Variants in TSPAN1 observed in about 807,000 individuals in gnomAD.
TSPAN1 encodes the protein tetraspanin-1.
A neutral mutation model predicts 26.9 loss-of-function variants in TSPAN1; 23 were observed. The observed-to-expected ratio is 0.85, with a 90% CI of 0.62 to 1.21. The LOEUF (loss-of-function observed/expected upper bound fraction) is 1.21, where lower values mean the gene tolerates loss of function less well. Among genes scored for constraint, TSPAN1 ranks in the 50% most tolerant of loss-of-function variants. The pLI is 0.00. For missense variants in TSPAN1, 283 were observed against 298.4 expected (o/e 0.95, Z 0.38); for synonymous variants, 115 against 114.8 (o/e 1.00, Z -0.01).
chr1:46,190,190 G>A (rs549685568), downstream of TSPAN1: 24 of 687,114 alleles, frequency 3.5e-5, no homozygotes, highest in African/African-American at 2.2e-4. Flanking sequence ...GACTACAGGC[G>A]CCTGCCACCA....
chr1:46,186,550 G>A (rs1250449347), downstream of TSPAN1, among the ~76,000 whole-genome samples: 1 of 149,534 alleles, frequency 6.7e-6, no homozygotes, highest in Non-Finnish European at 1.5e-5. Flanking sequence ...GAGTGCAATG[G>A]TGTGATCTCG....
At chr1:46,195,705 C>G in the TSPAN1 span, 1 of 1,059,990 alleles carries the variant, frequency 9.4e-7, no homozygotes, top group South Asian at 1.4e-5. Flanking sequence ...AGTAACCTTC[C>G]TTCAGAGAAT....
the TSPAN1 span, chr1:46,196,047 G>A: frequency 1.4e-5 from 22 of 1,613,836 alleles, no homozygotes; most frequent in African/African-American, 4.0e-5. This position sits in a 1 kb window ranked among gnomAD's most constrained non-coding sequence, Gnocchi z 4.4. Flanking sequence ...TGGATGCCCC[G>A]GCCCTGCTCC....
At chr1:46,190,164 C>G (rs1005634464), downstream of TSPAN1, 18 of 799,206 alleles carry the variant, frequency 2.3e-5, no homozygotes, top group Non-Finnish European at 3.3e-5. Context: ...CCTGCCTCAG[C>G]CTCCCAAGTA....
chr1:46,183,827 C>T (rs937765521), intron 3 of TSPAN1: 1 of 356,806 alleles, frequency 2.8e-6, no homozygotes, highest in Non-Finnish European at 5.4e-6. Context: ...GTGTTCTAGG[C>T]ACCCATAGCC....
downstream of TSPAN1, chr1:46,190,094 G>GTT: frequency 5.2e-6 from 4 of 768,232 alleles, no homozygotes; most frequent in South Asian, 3.5e-5. Flanking sequence ...CCACCTTGAA[G>GTT]TTCTTTTTTT....
chr1:46,186,349 G>T (rs1375144529), downstream of TSPAN1, among the ~76,000 whole-genome samples: 9 of 152,100 alleles, frequency 5.9e-5, no homozygotes. Context: ...CCTTCCTAGG[G>T]TCCAGGCTGC....
At chr1:46,185,462 C>T in intron 8 of TSPAN1, 24 bp from the exon 9 acceptor site, 1 of 1,614,102 alleles carries the variant, frequency 6.2e-7, no homozygotes, top group South Asian at 1.1e-5. Context: ...GTTCCCTCAT[C>T]TCTCCCTGTT....
intron 3 of TSPAN1, among the ~76,000 whole-genome samples, chr1:46,181,625 C>T (rs529614400): frequency 2.0e-5 from 3 of 151,480 alleles, no homozygotes; most frequent in Admixed American, 6.5e-5. Flanking sequence ...CTTATTCATT[C>T]GACAAACATT....
the TSPAN1 span, chr1:46,192,364 G>A: frequency 6.2e-7 from 1 of 1,614,156 alleles, no homozygotes; most frequent in South Asian, 1.1e-5. Flanking sequence ...GACCTCCTGA[G>A]CACCCAGCCC....
chr1:46,193,762 T>C, the TSPAN1 span: 1 of 1,597,338 alleles, frequency 6.3e-7, no homozygotes, highest in Admixed American at 1.8e-5. Flanking sequence ...TAGAATCTAT[T>C]GCCTTTCTGC....
At chr1:46,188,129 C>G (rs1451481211), downstream of TSPAN1, among the ~76,000 whole-genome samples, 1 of 152,204 alleles carries the variant, frequency 6.6e-6, no homozygotes, top group African/African-American at 2.4e-5. Flanking sequence ...ATGTGAGAAT[C>G]TGATGAAGAC....
At chr1:46,194,966 G>A in the TSPAN1 span, 6 of 1,613,848 alleles carry the variant, frequency 3.7e-6, no homozygotes, top group African/African-American at 6.7e-5. Context: ...CTCATCCTGG[G>A]GGACCAGAGA....
At chr1:46,189,003 G>A (rs1209811170), downstream of TSPAN1, 1 of 1,598,742 alleles carries the variant, frequency 6.3e-7, no homozygotes, top group African/African-American at 1.3e-5. Flanking sequence ...GGTATTCAAA[G>A]GGCAGGATGA....
chr1:46,195,733 T>G, the TSPAN1 span: 1 of 1,257,488 alleles, frequency 8.0e-7, no homozygotes, highest in South Asian at 1.3e-5. Context: ...CTATGTTATA[T>G]GAGGGGCAGA....
At chr1:46,188,443 G>C (rs1283455318), downstream of TSPAN1, among the ~76,000 whole-genome samples, 4 of 152,190 alleles carry the variant, frequency 2.6e-5, no homozygotes, top group African/African-American at 9.7e-5. Context: ...GTGGGGAAGA[G>C]GTAGGGTGGC....
chr1:46,185,256 G>A lies in TSPAN1; in HGVS notation c.626G>A (p.Arg209Gln), dbSNP rs375232447. 85 of 1,614,120 alleles carry A rather than the reference G, an allele frequency of 5.3e-5. No homozygotes were observed. In the South Asian group the frequency reaches 5.7e-4, roughly 11 times the overall value. Residue 209 changes from arginine (R) to glutamine (Q), a missense_variant, in exon 8 of 9, where the codon CGA becomes CAA. Coordinates refer to ENST00000372003, the MANE Select transcript of TSPAN1 (RefSeq NM_005727.4). ...GCFNQLLYDI[R>Q]TNAVTVGGVA... ...TTCAATCAGCTTTTGTATGACATCCGAACTAATGCAGTCACCGTGGGTGGT... is the reference window on the plus strand; with the variant it reads ...TTCAATCAGCTTTTGTATGACATCCAAACTAATGCAGTCACCGTGGGTGGT...
chr1:46,188,625 T>G, downstream of TSPAN1: 3 of 1,514,958 alleles, frequency 2.0e-6, no homozygotes, highest in Non-Finnish European at 8.8e-7. Context: ...ACAAGTATTC[T>G]CTCCACCACT....
intron 1 of TSPAN1, chr1:46,176,475 C>T: frequency 6.5e-7 from 1 of 1,535,528 alleles, no homozygotes; most frequent in Non-Finnish European, 8.7e-7. Context: ...GCCCCATGGG[C>T]ACAGGGAGCT....
Sources: gnomAD v4.1 joint callset for allele counts (sites outside exome capture counted in the v4.1 genomes callset) on GRCh38, gnomAD v4.1.1 for gene constraint, Gnocchi (gnomAD v3.1) non-coding constraint, MANE v1.5 for transcripts, NCBI Gene and HGNC (gene_info 2026-07-23, HGNC 2026-07-21) for gene names.